The following C1QTNF3 variants were observed in gnomAD, a reference collection of about 807,000 sequenced individuals.
C1QTNF3 encodes C1q and TNF related 3.
Under a neutral mutation model 32.6 loss-of-function variants are expected in C1QTNF3, and 26 were observed. That is an observed-to-expected ratio of 0.80 (90% CI 0.58 to 1.11). C1QTNF3 has a LOEUF of 1.11. Among genes scored for constraint, C1QTNF3 ranks in the 50% least tolerant of loss-of-function variants. The pLI is 0.00. For synonymous variants in C1QTNF3, 155 were observed against 146.0 expected (o/e 1.06, Z -0.44); for missense variants, 362 against 398.2 (o/e 0.91, Z 0.77).
At chr5:34,201,274 G>GA in the C1QTNF3 span, among the ~76,000 whole-genome samples, 1 of 152,068 alleles carries the variant, frequency 6.6e-6, no homozygotes, top group Non-Finnish European at 1.5e-5. Context: ...TAGATCATCA[G>GA]AAAAAATCCC....
At chr5:34,124,512 G>C in the C1QTNF3 span, 1 of 711,176 alleles carries the variant, frequency 1.4e-6, no homozygotes, top group African/African-American at 1.8e-5. Context: ...AGAGAGATGG[G>C]AGGAGGCACT....
chr5:34,222,013 G>C, the C1QTNF3 span, among the ~76,000 whole-genome samples: 1 of 151,912 alleles, frequency 6.6e-6, no homozygotes, highest in Non-Finnish European at 1.5e-5. Context: ...TGTTTTCCTA[G>C]ACTAATTCTC....
chr5:34,066,082 G>A, the C1QTNF3 span, among the ~76,000 whole-genome samples: 1,402 of 152,294 alleles, frequency 9.2e-3, 14 homozygotes, highest in South Asian at 0.055. Flanking sequence ...TTTCCTAGAA[G>A]GTCATATACC....
chr5:34,070,003 G>C, the C1QTNF3 span, among the ~76,000 whole-genome samples: 7 of 152,228 alleles, frequency 4.6e-5, no homozygotes, highest in South Asian at 2.1e-4. Context: ...AAATATAGTA[G>C]GTTTGTCAAA....
chr5:34,124,807 AT>A, the C1QTNF3 span, among the ~76,000 whole-genome samples: 1 of 152,220 alleles, frequency 6.6e-6, no homozygotes, highest in African/African-American at 2.4e-5. Context: ...AATCTGACCT[AT>A]TTTGGGGAAA....
chr5:34,139,083 T>C, the C1QTNF3 span, among the ~76,000 whole-genome samples: 1 of 152,068 alleles, frequency 6.6e-6, no homozygotes, highest in South Asian at 2.1e-4. Context: ...TGTATCTAAG[T>C]ATGTTTGTAT....
the C1QTNF3 span, among the ~76,000 whole-genome samples, chr5:34,111,868 C>G: frequency 2.6e-5 from 4 of 152,260 alleles, no homozygotes; most frequent in Admixed American, 2.6e-4. Context: ...AGGGGTATTG[C>G]TGTCCTGCAT....
Position 34,035,679 on chromosome 5 carries a change from G to A in C1QTNF3, c.383C>T (p.Pro128Leu), listed in dbSNP as rs773155882. Residue 128 changes from proline (P) to leucine (L), a missense_variant, in exon 2 of 6, where the codon CCC (proline) becomes CTC (leucine). Physicochemically the swap from Pro to Leu is moderately conservative, Grantham distance 98. Coordinates refer to ENST00000382065, the MANE Select transcript of C1QTNF3 (RefSeq NM_181435.6). Reference protein sequence around the residue: ...GDYSFRGYQGPPGPPGPPGIP... With the variant: ...GDYSFRGYQGLPGPPGPPGIP... ...GCCAGGAGGGCCCGGTGGCCCAGGG[G>A]GGCCTTGGTAGCCTCGAAAGCTGTA... 1.9e-6 allele frequency: 3 copies of A among 1,610,958 alleles called. No individual in the cohort carries two copies. Among genetic ancestry groups the A allele is most frequent in the Non-Finnish European group, 2.5e-6 (3 of 1,179,094 alleles).
At position 34,019,909 on chromosome 5, in the gene C1QTNF3, C is replaced by T. The variant is rs1022970356; in HGVS notation, c.*674G>A. 1 of 152,228 alleles carries T rather than the reference C, an allele frequency of 6.6e-6. No homozygotes were observed. The highest frequency in any genetic ancestry group is 1.5e-5 in the Non-Finnish European group (1 of 68,110). The allele number at this position is 152,228 out of a possible 1,614,324, so 9.4% of individuals were successfully genotyped here. ...ATTTATGACATTTGTTAATAGTGAA[C>T]CTCAACCTCCTGACCCCACATCCGA... is the stretch of plus-strand genomic sequence containing the variant. On this transcript the variant is annotated 3_prime_UTR_variant, in exon 6 of 6. Transcript: ENST00000382065.
chr5:34,172,369 C>T, the C1QTNF3 span, among the ~76,000 whole-genome samples: 2 of 142,138 alleles, frequency 1.4e-5, no homozygotes, highest in African/African-American at 5.3e-5. Flanking sequence ...TATACACTCA[C>T]CTATTTTTAG....
At chr5:34,201,017 A>T in the C1QTNF3 span, 1 of 152,050 alleles carries the variant, frequency 6.6e-6, no homozygotes, top group East Asian at 1.9e-4. Flanking sequence ...TGTCTTTATA[A>T]TCATTATTCA....
the C1QTNF3 span, among the ~76,000 whole-genome samples, chr5:34,160,399 T>G: frequency 1.3e-5 from 2 of 152,196 alleles, no homozygotes; most frequent in Admixed American, 6.6e-5. Context: ...TAAAGCATAT[T>G]CATATACATT....
At chr5:34,031,307 T>A (rs1473334922) in intron 3 of C1QTNF3, among the ~76,000 whole-genome samples, 1 of 152,142 alleles carries the variant, frequency 6.6e-6, no homozygotes. Context: ...GATTTTAGGG[T>A]AAAATAGCTG....
At chr5:34,201,137 T>C in the C1QTNF3 span, among the ~76,000 whole-genome samples, 1 of 151,930 alleles carries the variant, frequency 6.6e-6, no homozygotes, top group African/African-American at 2.4e-5. Context: ...ACCTGCTACA[T>C]AGATGTATTC....
At chr5:34,167,501 G>A in the C1QTNF3 span, 1 of 152,134 alleles carries the variant, frequency 6.6e-6, no homozygotes, top group African/African-American at 2.4e-5. Context: ...TGCCTTCACT[G>A]CATATGCATT....
chr5:34,095,929 A>G, the C1QTNF3 span, among the ~76,000 whole-genome samples: 16 of 151,422 alleles, frequency 1.1e-4, no homozygotes, highest in Non-Finnish European at 2.1e-4. Flanking sequence ...AAAACCAGGA[A>G]TAATTTCAAA....
At chr5:34,056,460 A>G in the C1QTNF3 span, among the ~76,000 whole-genome samples, 128 of 93,202 alleles carry the variant, frequency 1.4e-3, 4 homozygotes, top group African/African-American at 3.8e-3. Flanking sequence ...GTGTGTATAT[A>G]TATATATATA....
At chr5:34,043,720 G>A (rs920754667), upstream of C1QTNF3, 1 of 152,608 alleles carries the variant, frequency 6.6e-6, no homozygotes, top group Non-Finnish European at 1.5e-5. Context: ...GAAGGCAGTT[G>A]GTTGCCTACA....
At chr5:34,108,191 T>C in the C1QTNF3 span, among the ~76,000 whole-genome samples, 1 of 152,070 alleles carries the variant, frequency 6.6e-6, no homozygotes, top group African/African-American at 2.4e-5. Context: ...CTATATTATA[T>C]CATATCACTT....
Sources: allele counts gnomAD v4.1 joint callset (sites outside exome capture counted in the v4.1 genomes callset), GRCh38; gene constraint gnomAD v4.1.1; transcripts MANE v1.5; gene names NCBI Gene and HGNC (gene_info 2026-07-23, HGNC 2026-07-21).